Variants in USP36 observed in about 807,000 individuals in gnomAD.
USP36 encodes ubiquitin carboxyl-terminal hydrolase 36.
Under a neutral mutation model 111.5 loss-of-function variants are expected in USP36, and 59 were observed. That is an observed-to-expected ratio of 0.53 (90% CI 0.43 to 0.66). USP36 has a LOEUF of 0.66. USP36 is among the 30% of genes least tolerant of loss of function. The pLI is 0.00. For missense variants in USP36, 1,488 were observed against 1,468.0 expected (o/e 1.01, Z -0.22); for synonymous variants, 628 against 581.0 (o/e 1.08, Z -1.16).
chr17:78,793,017 C>T (rs1272572467), downstream of USP36, among the ~76,000 whole-genome samples: 1 of 151,738 alleles, frequency 6.6e-6, no homozygotes, highest in Non-Finnish European at 1.5e-5. Flanking sequence ...CGCCCGCCCC[C>T]CTCACCCCCC....
Position 78,798,189 on chromosome 17 carries a change from T to C in USP36, c.*20+211A>G. 1.7e-6 allele frequency: 1 copy of C among 574,120 alleles called. No homozygotes were observed. Among genetic ancestry groups the C allele is most frequent in the Non-Finnish European group, 3.0e-6 (1 of 335,176 alleles). The allele number at this position is 574,120 out of a possible 1,614,324, so 35.6% of individuals were successfully genotyped here. A position where few individuals can be genotyped will look rare whatever the true frequency, so the allele number is the denominator to read the frequency against. ...ACACACGCATCCCACACACACCCCC[T>C]TATACACACGCATCCCACACACACC... On this transcript the variant is annotated intron_variant, in intron 20 of 20. Coordinates refer to ENST00000449938, the MANE Select transcript of USP36 (RefSeq NM_001385174.1). The surrounding 1 kb of genome is among the most constrained non-coding windows in gnomAD (Gnocchi z 5.1).
At chr17:78,804,147 C>G (rs1300106381) in intron 15 of USP36, among the ~76,000 whole-genome samples, 169 bp from the exon 16 acceptor site, 1 of 152,158 alleles carries the variant, frequency 6.6e-6, no homozygotes, top group Non-Finnish European at 1.5e-5. Flanking sequence ...AGAAAGCTAA[C>G]AATTAATTCA....
At chr17:78,795,604 T>G (rs1345596597), downstream of USP36, 1 of 151,450 alleles carries the variant, frequency 6.6e-6, no homozygotes, top group Non-Finnish European at 1.5e-5. The surrounding 1 kb of genome is among the most constrained non-coding windows in gnomAD (Gnocchi z 4.5). Context: ...GTGGTTGGGA[T>G]GTACTTTAAA....
intron 14 of USP36, among the ~76,000 whole-genome samples, chr17:78,806,755 T>G (rs2093912919): frequency 6.6e-6 from 1 of 152,192 alleles, no homozygotes; most frequent in Non-Finnish European, 1.5e-5. Flanking sequence ...AGATCAGGGC[T>G]CTCTCAACAC....
chr17:78,834,654 G>A (rs1279423713), intron 4 of USP36, among the ~76,000 whole-genome samples: 2 of 152,090 alleles, frequency 1.3e-5, no homozygotes, highest in East Asian at 1.9e-4. Context: ...TGTTGGCCAG[G>A]CTGGTCTCCA....
intron 9 of USP36, 139 bp downstream of exon 9, chr17:78,819,791 T>C: frequency 1.2e-6 from 1 of 814,326 alleles, no homozygotes; most frequent in Non-Finnish European, 2.0e-6. Context: ...GTTTGAGTTT[T>C]TAGGACACAC....
At position 78,807,163 on chromosome 17, in the gene USP36, G is replaced by A. The variant is rs369353557; in HGVS notation, c.1881C>T (p.Pro627=). The change falls in exon 14 of 21, where the codon CCC becomes CCT. Residue 627 remains proline (P), a synonymous_variant. Coordinates refer to ENST00000449938, the MANE Select transcript of USP36 (RefSeq NM_001385174.1). ...GGGCCGCTCCACTCCTGGGGGTCTG[G>A]GGGGCCTTGGTGGAGTCGCTGCTGG... ...HSASSDSTKA[P]QTPRSGAAHL... is the part of the protein sequence containing the mutation. 2.7e-5 allele frequency: 44 copies of A among 1,614,112 alleles called. No homozygotes were observed. Among genetic ancestry groups the A allele is most frequent in the Admixed American group, 1.2e-4 (7 of 60,000 alleles).
At chr17:78,792,404 G>A (rs552126778), downstream of USP36, among the ~76,000 whole-genome samples, 4 of 152,184 alleles carry the variant, frequency 2.6e-5, no homozygotes, top group South Asian at 6.2e-4. Context: ...CTCCAGTAGA[G>A]GTCCCCACAG....
Position 78,827,276 on chromosome 17 carries a change from T to A in USP36, c.658A>T (p.Met220Leu), listed in dbSNP as rs574948112. ...HEFLRYTIDA[M>L]QKACLNGCAK... is the part of the protein sequence containing the mutation. ...CAGCCATTCAGGCAGGCTTTCTGCA[T>A]GGCGTCGATGGTGTACCGCAGGAAC... The change falls in exon 6 of 21, where the codon ATG becomes TTG. Residue 220 changes from methionine (M) to leucine (L), a missense_variant. This residue lies in a region of USP36 where 196 missense variants were observed against 264.4 expected (regional missense o/e 0.74). Transcript: ENST00000449938. The A allele has an allele frequency of 6.2e-7, 1 of 1,613,976 alleles. No homozygotes were observed. The highest frequency in any genetic ancestry group is 1.7e-5 in the Admixed American group (1 of 60,018).
rs2093801264 is a variant in USP36 at position 78,803,241 on chromosome 17, G to A, written c.2810+144C>T. ...TGTGAGCCACCACACCCAGCCAGAGGAGACATCTGATCACAAATCCACATT... is the reference window on the plus strand; with the variant it reads ...TGTGAGCCACCACACCCAGCCAGAGAAGACATCTGATCACAAATCCACATT... On this transcript the variant is annotated intron_variant, in intron 16 of 20. Transcript: ENST00000449938. This position sits in a 1 kb window ranked among gnomAD's most constrained non-coding sequence, Gnocchi z 4.6. 2.3e-6 allele frequency: 2 copies of A among 888,076 alleles called. No individual in the cohort carries two copies. The highest frequency in any genetic ancestry group is 2.9e-4 in the Middle Eastern group (1 of 3,490). The allele number at this position is 888,076 out of a possible 1,614,324, so 55.0% of individuals were successfully genotyped here. A position where few individuals can be genotyped will look rare whatever the true frequency, so the allele number is the denominator to read the frequency against.
intron 3 of USP36, among the ~76,000 whole-genome samples, chr17:78,788,975 A>G (rs1169218110): frequency 2.0e-5 from 3 of 151,952 alleles, no homozygotes; most frequent in Non-Finnish European, 4.4e-5. Context: ...TGAGGCAGGC[A>G]GATCACGAGG....
In USP36 at chr17:78,820,653, C is replaced by T. The variant is rs541229363; in HGVS notation, c.828+338G>A. On this transcript the variant is annotated intron_variant, in intron 8 of 20. Coordinates refer to ENST00000449938, the MANE Select transcript of USP36 (RefSeq NM_001385174.1). ...TGCGACAAAGCCAAGGCTGCTCTCC[C>T]AGGTGAGGCCCACAGAGCCACCAAG... is the stretch of plus-strand genomic sequence containing the variant. Among the ~76,000 whole-genome samples, 5 of 152,296 alleles carry T rather than the reference C, an allele frequency of 3.3e-5. No homozygotes were observed. The East Asian group carries it at 7.7e-4, about 24-fold the overall frequency.
chr17:78,813,769 T>G lies in USP36; in HGVS notation c.1265+4A>C, dbSNP rs745500199. 3.3e-5 allele frequency: 53 copies of G among 1,613,586 alleles called. No homozygotes were observed. The highest frequency in any genetic ancestry group is 4.5e-5 in the Non-Finnish European group (53 of 1,179,720). On this transcript the variant is annotated splice_donor_region_variant and intron_variant, in intron 12 of 20. Coordinates refer to ENST00000449938, the MANE Select transcript of USP36 (RefSeq NM_001385174.1). ...CTCATCTGGGGAGGGCGTGAGTTTA[T>G]TACCGCAGATAGAACAGCACGTAGG...
In USP36 at chr17:78,838,689, A is replaced by C. The variant is rs2068947886; in HGVS notation, c.-112T>G. The C allele has an allele frequency of 6.6e-6, 1 of 152,232 alleles. No homozygotes were observed. Among genetic ancestry groups the C allele is most frequent in the African/African-American group, 2.4e-5 (1 of 41,436 alleles). The allele number at this position is 152,232 out of a possible 1,614,324, so 9.4% of individuals were successfully genotyped here. On this transcript the variant is annotated 5_prime_UTR_variant, in exon 2 of 21. Transcript: ENST00000449938. ...GGCAGGTGCTACGCGGAGCTCCTGA[A>C]TGTAAGCGCTCCTGGACTGTGGCCT...
chr17:78,799,909 G>C (rs1007961174), intron 17 of USP36, 141 bp from the exon 18 acceptor site: 3 of 407,178 alleles, frequency 7.4e-6, no homozygotes, highest in Non-Finnish European at 1.2e-5. Context: ...TTTTTTTAAA[G>C]ACAGGGTCTC....
chr17:78,824,277 C>T (rs2067331290), intron 6 of USP36, among the ~76,000 whole-genome samples: 2 of 152,054 alleles, frequency 1.3e-5, no homozygotes, highest in Non-Finnish European at 2.9e-5. Context: ...AAATCATGCA[C>T]GCTAAAATGG....
chr17:78,794,627 A>G (rs576731551), downstream of USP36, among the ~76,000 whole-genome samples: 1 of 152,174 alleles, frequency 6.6e-6, no homozygotes, highest in East Asian at 1.9e-4. Context: ...AACGGCAGTT[A>G]AGAATGGAAA....
At chr17:78,794,615 G>C (rs1210915293), downstream of USP36, among the ~76,000 whole-genome samples, 1 of 152,176 alleles carries the variant, frequency 6.6e-6, no homozygotes, top group Non-Finnish European at 1.5e-5. Context: ...TAGTGTTTGG[G>C]AAACGGCAGT....
intron 10 of USP36, among the ~76,000 whole-genome samples, chr17:78,817,474 A>C (rs1567944917): frequency 6.6e-6 from 1 of 152,112 alleles, no homozygotes; most frequent in African/African-American, 2.4e-5. Flanking sequence ...ACAGACATCT[A>C]CTGGGCACGG....
Sources: allele counts gnomAD v4.1 joint callset (sites outside exome capture counted in the v4.1 genomes callset), GRCh38; gene constraint gnomAD v4.1.1; regional missense constraint gnomAD v4.1.1; non-coding constraint Gnocchi (gnomAD v3.1); transcripts MANE v1.5; gene names NCBI Gene and HGNC (gene_info 2026-07-23, HGNC 2026-07-21).